SPINK9: variants seen among roughly 807,000 people sequenced by gnomAD.
The protein encoded by SPINK9 is serine protease inhibitor Kazal-type 9.
A neutral mutation model predicts 10.8 loss-of-function variants in SPINK9; 3 were observed. The observed-to-expected ratio is 0.28, with a 90% CI of 0.13 to 0.72. The LOEUF (loss-of-function observed/expected upper bound fraction) is 0.72. Among genes scored for constraint, SPINK9 ranks in the 30% least tolerant of loss-of-function variants. SPINK9 has a pLI of 0.74. For synonymous variants in SPINK9, 30 were observed against 31.2 expected, an observed-to-expected ratio of 0.96 and a Z score of 0.12; for missense variants, 101 against 103.2, an observed-to-expected ratio of 0.98 and a Z score of 0.09.
At chr5:148,327,938 A>G (rs1430720524) in intron 2 of SPINK9, among the ~76,000 whole-genome samples, 6 of 151,822 alleles carry the variant, frequency 4.0e-5, no homozygotes, top group African/African-American at 1.4e-4. Flanking sequence ...GTCAGGTAGC[A>G]TGATGCCTCC....
upstream of SPINK9, among the ~76,000 whole-genome samples, chr5:148,333,494 T>G (rs1757176683): frequency 6.6e-6 from 1 of 152,216 alleles, no homozygotes. Context: ...TGCACTCATA[T>G]TTTACCCACT....
rs1269472165 is a variant in SPINK9, at chr5:148,326,494, T to G, written c.118+2626T>G. On this transcript the variant is annotated intron_variant, in intron 2 of 4. Coordinates refer to the SPINK9 transcript ENST00000511717. ...AGCCAAGATATAGAAATAACCAAAG[T>G]GCCCATCAACAGAGGAATGAATTTT... Among the ~76,000 whole-genome samples the G allele has an allele frequency of 2.0e-5, 3 of 152,132 alleles. No individual in the cohort carries two copies. In the South Asian group the frequency reaches 6.2e-4, roughly 32 times the overall value.
At chr5:148,336,542 TG>T in intron 2 of SPINK9, 89 bp downstream of exon 2, 2 of 1,341,998 alleles carry the variant, frequency 1.5e-6, no homozygotes, top group Non-Finnish European at 2.1e-6. Context: ...AATTTCTATA[TG>T]TTTGAATATT....
Position 148,338,568 on chromosome 5 carries a change from A to G in SPINK9, c.178A>G (p.Thr60Ala). 1.9e-6 allele frequency: 3 copies of G among 1,600,214 alleles called. No homozygotes were observed. Among genetic ancestry groups the G allele is most frequent in the Non-Finnish European group, 2.6e-6 (3 of 1,169,250 alleles). ...YDPICGSDGK[T>A]YKNDCFFCSK... ...TCCAATTTGTGGATCTGATGGCAAA[A>G]CTTATAAAAATGATTGCTTCTTCTG... Residue 60 changes from threonine to alanine, a missense_variant, in exon 3 of 4, where the codon ACT becomes GCT. Thr to Ala is a moderately conservative substitution (Grantham distance 58, BLOSUM62 0). Transcript: ENST00000377906.
chr5:148,321,396 A>G (rs1035012970), exon 1 of SPINK9: 1 of 152,198 alleles, frequency 6.6e-6, no homozygotes, highest in African/African-American at 2.4e-5. Flanking sequence ...CAACTGGAAG[A>G]AAGGGTATCA....
At chr5:148,331,563 C>T (rs931864322), upstream of SPINK9, among the ~76,000 whole-genome samples, 8 of 152,224 alleles carry the variant, frequency 5.3e-5, 1 homozygote, top group East Asian at 7.7e-4. Flanking sequence ...ATCTATTGCA[C>T]AGCATGAGTA....
intron 2 of SPINK9, among the ~76,000 whole-genome samples, chr5:148,328,433 G>T (rs1275786511): frequency 3.9e-5 from 6 of 152,240 alleles, no homozygotes; most frequent in South Asian, 2.1e-4. Context: ...AGATATACAA[G>T]CATGTCATCT....
chr5:148,329,485 G>A (rs1757118182), intron 2 of SPINK9, among the ~76,000 whole-genome samples: 1 of 151,628 alleles, frequency 6.6e-6, no homozygotes, highest in African/African-American at 2.4e-5. Context: ...TTTTGAAGGG[G>A]TTTTTGTGTC....
chr5:148,323,735 C>T (rs1254939204), exon 2 of SPINK9: 2 of 690,086 alleles, frequency 2.9e-6, no homozygotes, highest in Non-Finnish European at 5.3e-6. Flanking sequence ...TGTGATCAAT[C>T]AGCATTTGCA....
At chr5:148,332,272 G>C (rs1757161371), upstream of SPINK9, among the ~76,000 whole-genome samples, 1 of 152,196 alleles carries the variant, frequency 6.6e-6, no homozygotes, top group African/African-American at 2.4e-5. Context: ...AAATGCCATA[G>C]AGAATCTGAG....
At chr5:148,336,896 G>A (rs1427849757) in intron 2 of SPINK9, among the ~76,000 whole-genome samples, 1 of 152,034 alleles carries the variant, frequency 6.6e-6, no homozygotes, top group Non-Finnish European at 1.5e-5. Context: ...CATGACTCAG[G>A]TTACAGTAAT....
Position 148,338,553 on chromosome 5 carries a change from G to A in SPINK9, c.163G>A (p.Gly55Arg), listed in dbSNP as rs376852567. ...TCATCATATGTATGATCCAATTTGT[G>A]GATCTGATGGCAAAACTTATAAAAA... ...FCHHMYDPIC[G>R]SDGKTYKNDC... Residue 55 changes from glycine (G) to arginine (R), a missense_variant, in exon 3 of 4, where the codon GGA becomes AGA. By Grantham distance (125) the Gly-to-Arg change is moderately radical (BLOSUM62 -2). Coordinates refer to ENST00000377906, the MANE Select transcript of SPINK9 (RefSeq NM_001040433.2). The A allele has an allele frequency of 9.8e-5, 157 of 1,605,574 alleles. No individual in the cohort carries two copies. The highest frequency in any genetic ancestry group is 5.5e-4 in the Middle Eastern group (3 of 5,430).
intron 2 of SPINK9, among the ~76,000 whole-genome samples, chr5:148,330,435 C>G (rs1046843997): frequency 6.6e-6 from 1 of 152,156 alleles, no homozygotes; most frequent in Non-Finnish European, 1.5e-5. Context: ...ATACAGCACA[C>G]TGATGGGTCT....
chr5:148,338,606 G>GT lies in SPINK9; in HGVS notation c.215+2dup, dbSNP rs757229030. ...ATTGCTTCTTCTGTTCTAAAGTTAA[G>GT]TAAGTATTAAAATGTTTTCTTTTTC... On this transcript the variant is annotated splice_donor_variant, in intron 3 of 3. Transcript: ENST00000377906. LOFTEE classifies it high-confidence loss of function. 16 of 1,568,582 alleles carry GT rather than the reference G, an allele frequency of 1.0e-5. No homozygotes were observed. The highest frequency in any genetic ancestry group is 1.4e-5 in the African/African-American group (1 of 73,246).
intron 2 of SPINK9, among the ~76,000 whole-genome samples, chr5:148,325,130 G>C (rs1757042998): frequency 6.6e-6 from 1 of 151,990 alleles, no homozygotes; most frequent in Admixed American, 6.6e-5. Flanking sequence ...TTATACAGCT[G>C]AAATATATTC....
chr5:148,327,790 A>C (rs1393671249), intron 2 of SPINK9, among the ~76,000 whole-genome samples: 8 of 152,004 alleles, frequency 5.3e-5, no homozygotes, highest in Non-Finnish European at 8.8e-5. Flanking sequence ...TGTTTTTGTC[A>C]GGTTTGTCAA....
At chr5:148,330,538 T>C (rs1348459922) in intron 2 of SPINK9, among the ~76,000 whole-genome samples, 2 of 152,224 alleles carry the variant, frequency 1.3e-5, no homozygotes, top group African/African-American at 4.8e-5. Flanking sequence ...GTGAATTTGA[T>C]CCTGTCACTA....
intron 3 of SPINK9, 152 bp downstream of exon 3, chr5:148,338,757 C>A: frequency 1.9e-6 from 1 of 513,196 alleles, no homozygotes; most frequent in Non-Finnish European, 3.4e-6. Flanking sequence ...TTTGGGAGTC[C>A]CTGATATCAC....
At chr5:148,325,613 A>T (rs544555946) in intron 2 of SPINK9, among the ~76,000 whole-genome samples, 2 of 152,150 alleles carry the variant, frequency 1.3e-5, no homozygotes, top group East Asian at 3.9e-4. Flanking sequence ...CAGATTTATT[A>T]TTGAACTGTA....
Sources: allele counts gnomAD v4.1 joint callset (sites outside exome capture counted in the v4.1 genomes callset), GRCh38; gene constraint gnomAD v4.1.1; transcripts MANE v1.5; gene names NCBI Gene and HGNC (gene_info 2026-07-23, HGNC 2026-07-21).